The following COL18A1 variants were observed in gnomAD, a reference collection of about 807,000 sequenced individuals.
COL18A1 encodes collagen alpha-1(XVIII) chain.
A neutral mutation model predicts 168.0 loss-of-function variants in COL18A1; 133 were observed. That is an observed-to-expected ratio of 0.79 (90% CI 0.69 to 0.91). COL18A1 has a LOEUF of 0.91. Ranked by LOEUF, COL18A1 falls within the 40% of genes least tolerant of loss-of-function variation. The pLI is 0.00. For synonymous variants in COL18A1, 949 were observed against 809.0 expected, an observed-to-expected ratio of 1.17 and a Z score of -2.94; for missense variants, 2,126 against 1,925.4, an observed-to-expected ratio of 1.10 and a Z score of -1.95.
At chr21:45,416,328 C>T (rs928700502) in intron 2 of COL18A1, among the ~76,000 whole-genome samples, 8 of 152,308 alleles carry the variant, frequency 5.3e-5, no homozygotes, top group Non-Finnish European at 8.8e-5. Context: ...TTGCCATGCC[C>T]AGTGTCCTTT....
In COL18A1 at chr21:45,423,506, C is replaced by A. The variant is rs539823063; in HGVS notation, c.106+18033C>A. Among the ~76,000 whole-genome samples, 215 of 151,526 alleles carry A rather than the reference C, an allele frequency of 1.4e-3. 1 individual carries two copies. Among genetic ancestry groups the A allele is most frequent in the African/African-American group, 4.8e-3 (198 of 41,192 alleles). ...GCGCCCGCCCCCCGCCCCCCGCCCC[C>A]CGGAGGGCCCGGCTCCAAGGGTCAT... On this transcript the variant is annotated intron_variant, in intron 2 of 41. Transcript: ENST00000651438. This position sits in a 1 kb window ranked among gnomAD's most constrained non-coding sequence, Gnocchi z 4.0.
chr21:45,503,661 A>G (rs1259272368), intron 32 of COL18A1, among the ~76,000 whole-genome samples: 4 of 148,284 alleles, frequency 2.7e-5, no homozygotes, highest in Admixed American at 6.7e-5. Flanking sequence ...GGGGAGGGAT[A>G]GCATTGGGAG....
intron 37 of COL18A1, chr21:45,506,420 C>T (rs911208182): frequency 9.4e-6 from 3 of 320,854 alleles, no homozygotes; most frequent in Non-Finnish European, 1.2e-5. Flanking sequence ...AATGCATCCT[C>T]TCTGCTTAGC....
At position 45,493,175 on chromosome 21, in the gene COL18A1, C is replaced by A; in HGVS notation, c.2227C>A (p.Pro743Thr). Residue 743 changes from proline (P) to threonine (T), a missense_variant, in exon 25 of 42, where the codon CCC becomes ACC. Pro to Thr is a conservative substitution (Grantham distance 38, BLOSUM62 -1). Transcript: ENST00000651438. Reference sequence around the variant, plus strand: ...GCCTCCATTCCAGGGACCTGCAGGACCCAAGGGCAACCTGGGCTCTAAGGG... The same window carrying A: ...GCCTCCATTCCAGGGACCTGCAGGAACCAAGGGCAACCTGGGCTCTAAGGG... ...GFAGFPGPAG[P>T]KGNLGSKGER... The A allele has an allele frequency of 6.4e-7, 1 of 1,560,196 alleles. No homozygotes were observed. Among genetic ancestry groups the A allele is most frequent in the Non-Finnish European group, 8.7e-7 (1 of 1,152,150 alleles).
intron 4 of COL18A1, among the ~76,000 whole-genome samples, chr21:45,474,798 C>CTGTGGA (rs2035583018): frequency 6.6e-6 from 1 of 152,250 alleles, no homozygotes; most frequent in Non-Finnish European, 1.5e-5. Context: ...GCAGGAGACA[C>CTGTGGA]CGTGGCTGGA....
At position 45,492,550 on chromosome 21, in the gene COL18A1, G is replaced by A. The variant is rs116111018; in HGVS notation, c.2173G>A (p.Val725Met). ...VSEQDGSVLS[V>M]PGPEGRPGFA... is the part of the protein sequence containing the mutation. ...TCGTGGACAGGGATCCGTCCTGAGCGTGCCGGGACCTGAGGTATGTGCCTG... is the reference window on the plus strand; with the variant it reads ...TCGTGGACAGGGATCCGTCCTGAGCATGCCGGGACCTGAGGTATGTGCCTG... The change falls in exon 23 of 42, where the codon GTG becomes ATG. Residue 725 changes from valine (V) to methionine (M), a missense_variant. Val to Met is a conservative substitution (Grantham distance 21). Coordinates refer to ENST00000651438, the MANE Select transcript of COL18A1 (RefSeq NM_001379500.1). 1.4e-3 allele frequency: 2,258 copies of A among 1,613,284 alleles called. 34 individuals carry two copies. The African/African-American group carries it at 0.026, about 18-fold the overall frequency.
intron 2 of COL18A1, among the ~76,000 whole-genome samples, chr21:45,467,764 G>A (rs974955233): frequency 2.6e-5 from 4 of 152,132 alleles, no homozygotes; most frequent in Non-Finnish European, 4.4e-5. Context: ...CAGAGTGGGC[G>A]GGCAGGGCAC....
At chr21:45,450,275 T>C (rs1307848587) in intron 2 of COL18A1, among the ~76,000 whole-genome samples, 1 of 152,136 alleles carries the variant, frequency 6.6e-6, no homozygotes, top group East Asian at 1.9e-4. Flanking sequence ...GCTCAGGGAA[T>C]GAAGAGGGTG....
At chr21:45,452,898 A>C (rs1024278763) in intron 2 of COL18A1, among the ~76,000 whole-genome samples, 1 of 151,484 alleles carries the variant, frequency 6.6e-6, no homozygotes, top group Admixed American at 6.6e-5. Context: ...GTGACATGTG[A>C]GCATGTATGT....
chr21:45,493,697 T>C lies in COL18A1; in HGVS notation c.2352+122T>C, dbSNP rs73228774. On this transcript the variant is annotated intron_variant, in intron 26 of 41. Coordinates refer to ENST00000651438, the MANE Select transcript of COL18A1 (RefSeq NM_001379500.1). ...CACGAGCCTCTCCCAAGCAGGGCTCTACCATCCAGGCCTGGCCCTGGTGGC... is the reference window on the plus strand; with the variant it reads ...CACGAGCCTCTCCCAAGCAGGGCTCCACCATCCAGGCCTGGCCCTGGTGGC... 0.18 allele frequency: 134,663 copies of C among 757,172 alleles called. 12,531 individuals carry two copies. The highest frequency in any genetic ancestry group is 0.21 in the Middle Eastern group (572 of 2,738). 46.9% of individuals were successfully genotyped at this position (757,172 alleles called of 1,614,324 possible). A position where few individuals can be genotyped will look rare whatever the true frequency, so the allele number is the denominator to read the frequency against.
intron 2 of COL18A1, among the ~76,000 whole-genome samples, chr21:45,445,225 G>A (rs956363630): frequency 6.6e-6 from 1 of 152,208 alleles, no homozygotes; most frequent in African/African-American, 2.4e-5. Context: ...GGTCGTTTCT[G>A]TCTGGCTTCT....
intron 39 of COL18A1, 40 bp from the exon 40 acceptor site, chr21:45,510,024 A>G: frequency 6.5e-7 from 1 of 1,532,356 alleles, no homozygotes; most frequent in South Asian, 1.2e-5. Flanking sequence ...TGCAGGGGGC[A>G]GCGTGGGACA....
chr21:45,415,120 G>C (rs1254104339), intron 2 of COL18A1, among the ~76,000 whole-genome samples: 1 of 152,212 alleles, frequency 6.6e-6, no homozygotes, highest in African/African-American at 2.4e-5. Flanking sequence ...CCAGCAGCCA[G>C]AGGTGACAGT....
At position 45,463,130 on chromosome 21, in the gene COL18A1, C is replaced by A. The variant is rs1453851092; in HGVS notation, c.107-5112C>A. Among the ~76,000 whole-genome samples, 1 of 152,230 alleles carries A rather than the reference C, an allele frequency of 6.6e-6. No individual in the cohort carries two copies. Among genetic ancestry groups the A allele is most frequent in the Non-Finnish European group, 1.5e-5 (1 of 68,046 alleles). On this transcript the variant is annotated intron_variant, in intron 2 of 41. Coordinates refer to ENST00000651438, the MANE Select transcript of COL18A1 (RefSeq NM_001379500.1). This position sits in a 1 kb window ranked among gnomAD's most constrained non-coding sequence, Gnocchi z 4.0. ...AAAAAACAGTGCCAGCCCTCTAAAT[C>A]CCCTTCAAGTCACTTCAGCTGGAAG...
chr21:45,505,389 T>C lies in COL18A1; in HGVS notation c.3045T>C (p.Pro1015=). The change falls in exon 36 of 42, where the codon CCT becomes CCC. Residue 1015 remains proline (P), a synonymous_variant. Coordinates refer to ENST00000651438, the MANE Select transcript of COL18A1 (RefSeq NM_001379500.1). Reference sequence around the variant, plus strand: ...GCGTTCCCGGCCCTCCGGGCCCCCCTGGGCCCCCTGGGCCCCCTGGAACCA... The same window carrying C: ...GCGTTCCCGGCCCTCCGGGCCCCCCCGGGCCCCCTGGGCCCCCTGGAACCA... The part of the protein sequence containing the change: ...TISVPGPPGP[P]GPPGPPGTMG... The C allele has an allele frequency of 5.7e-6, 9 of 1,570,868 alleles. No homozygotes were observed. Among genetic ancestry groups the C allele is most frequent in the Non-Finnish European group, 5.2e-6 (6 of 1,148,294 alleles).
Position 45,457,235 on chromosome 21 carries a change from C to T in COL18A1, c.107-11007C>T, listed in dbSNP as rs140587657. Among the ~76,000 whole-genome samples, 580 of 152,300 alleles carry T rather than the reference C, an allele frequency of 3.8e-3. 7 individuals carry two copies. The Middle Eastern group carries it at 0.045, about 12-fold the overall frequency. ...AGGCGTGGGGCAGTGGCGTGACTCACCCCAGGGAGCCGAGATTCCCGCTCA... is the reference window on the plus strand; with the variant it reads ...AGGCGTGGGGCAGTGGCGTGACTCATCCCAGGGAGCCGAGATTCCCGCTCA... On this transcript the variant is annotated intron_variant, in intron 2 of 41. Transcript: ENST00000651438. This position sits in a 1 kb window ranked among gnomAD's most constrained non-coding sequence, Gnocchi z 4.6.
intron 2 of COL18A1, among the ~76,000 whole-genome samples, chr21:45,413,543 C>T (rs1184558768): frequency 1.3e-5 from 2 of 152,242 alleles, no homozygotes; most frequent in Non-Finnish European, 2.9e-5. Context: ...AGGCAGTTCC[C>T]GGAGGGAGGC....
intron 32 of COL18A1, chr21:45,497,925 AG>A: frequency 1.6e-6 from 1 of 606,816 alleles, no homozygotes; most frequent in East Asian, 2.7e-5. Flanking sequence ...CTTCCATGCT[AG>A]ACCCAGGTGG....
chr21:45,457,530 G>A lies in COL18A1; in HGVS notation c.107-10712G>A, dbSNP rs77391096. On this transcript the variant is annotated intron_variant, in intron 2 of 41. Coordinates refer to ENST00000651438, the MANE Select transcript of COL18A1 (RefSeq NM_001379500.1). This position sits in a 1 kb window ranked among gnomAD's most constrained non-coding sequence, Gnocchi z 4.6. ...CCCCATCACCGTGTGGCCTGGCCTT[G>A]TTGCTGGCTGGACAGTTGGGGGCAG... Among the ~76,000 whole-genome samples the A allele has an allele frequency of 0.011, 1,672 of 152,340 alleles. 26 individuals are homozygous for A. Among genetic ancestry groups the A allele is most frequent in the African/African-American group, 0.038 (1,586 of 41,574 alleles).
Sources: gnomAD v4.1 joint callset for allele counts (sites outside exome capture counted in the v4.1 genomes callset) on GRCh38, gnomAD v4.1.1 for gene constraint, Gnocchi (gnomAD v3.1) non-coding constraint, MANE v1.5 for transcripts, NCBI Gene and HGNC (gene_info 2026-07-23, HGNC 2026-07-21) for gene names.